TAS2R1: variants seen among roughly 807,000 people sequenced by gnomAD.
The protein encoded by TAS2R1 is taste receptor type 2 member 1.
For missense variants in TAS2R1, 370 were observed against 353.4 expected (o/e 1.05, Z -0.38); for synonymous variants, 141 against 134.2 (o/e 1.05, Z -0.35).
chr5:9,651,681 G>C (rs904891235), intron 2 of TAS2R1, among the ~76,000 whole-genome samples: 6 of 152,016 alleles, frequency 3.9e-5, no homozygotes, highest in South Asian at 2.1e-4. Flanking sequence ...AGTGAGTGCA[G>C]CTCCAGCTTT....
At chr5:9,759,496 T>G in the TAS2R1 span, among the ~76,000 whole-genome samples, 2 of 152,204 alleles carry the variant, frequency 1.3e-5, no homozygotes, top group Non-Finnish European at 2.9e-5. Flanking sequence ...AGAATTTGGG[T>G]GGAATCCAGG....
chr5:9,720,270 G>A, the TAS2R1 span, among the ~76,000 whole-genome samples: 5 of 152,202 alleles, frequency 3.3e-5, no homozygotes, highest in African/African-American at 1.2e-4. Flanking sequence ...TGGATCTGCG[G>A]GTTGTAGAAT....
chr5:9,818,324 G>A, the TAS2R1 span, among the ~76,000 whole-genome samples: 3 of 152,142 alleles, frequency 2.0e-5, no homozygotes, highest in African/African-American at 7.2e-5. Flanking sequence ...CAGAGATTTG[G>A]GCGACATTAT....
chr5:9,899,634 C>A, the TAS2R1 span, among the ~76,000 whole-genome samples: 3 of 69,120 alleles, frequency 4.3e-5, 1 homozygote, highest in Admixed American at 3.9e-4. Flanking sequence ...AAGACTCTGT[C>A]TAAAAAAAAA....
At chr5:9,713,529 A>C (rs62341162), upstream of TAS2R1, among the ~76,000 whole-genome samples, 21,128 of 152,192 alleles carry the variant, frequency 0.14, 1,547 homozygotes, top group Non-Finnish European at 0.16. Flanking sequence ...CACAGAGAGT[A>C]GGATTTATTT....
At chr5:9,703,479 G>A (rs577390218) in intron 1 of TAS2R1, among the ~76,000 whole-genome samples, 2 of 152,252 alleles carry the variant, frequency 1.3e-5, no homozygotes, top group South Asian at 2.1e-4. Flanking sequence ...GCACCCACTG[G>A]TGGAAGGAGC....
chr5:9,745,012 A>G, the TAS2R1 span, among the ~76,000 whole-genome samples: 1 of 152,210 alleles, frequency 6.6e-6, no homozygotes, highest in Non-Finnish European at 1.5e-5. Flanking sequence ...GACACAAAGC[A>G]GTTGACACAA....
the TAS2R1 span, among the ~76,000 whole-genome samples, chr5:9,834,745 T>C: frequency 8.3e-6 from 1 of 121,192 alleles, no homozygotes; most frequent in Non-Finnish European, 1.7e-5. Flanking sequence ...TAAATGTTAT[T>C]ACTGCATTAA....
the TAS2R1 span, among the ~76,000 whole-genome samples, chr5:9,806,264 G>T: frequency 1.3e-5 from 2 of 151,964 alleles, no homozygotes; most frequent in Admixed American, 6.6e-5. Flanking sequence ...AACACAAATG[G>T]GAACACATCC....
intron 2 of TAS2R1, among the ~76,000 whole-genome samples, chr5:9,640,675 T>A (rs1041589650): frequency 5.9e-5 from 9 of 152,108 alleles, no homozygotes; most frequent in African/African-American, 1.2e-4. Flanking sequence ...CTATTGCAAA[T>A]CTTGGTTAAC....
At position 9,684,670 on chromosome 5, in the gene TAS2R1, C is replaced by A. The variant is rs144131462; in HGVS notation, c.-241-25089G>T. Among the ~76,000 whole-genome samples, 650 of 152,198 alleles carry A rather than the reference C, an allele frequency of 4.3e-3. 3 individuals carry two copies. The highest frequency in any genetic ancestry group is 0.01 in the Middle Eastern group (3 of 294). On this transcript the variant is annotated intron_variant, in intron 1 of 2. Coordinates refer to the TAS2R1 transcript ENST00000506620. Reference sequence around the variant, plus strand: ...TCCTGGGTAGCTGGGACTCAGCACGCCACCACACCCAGCTAGTATATTTCA... The same window carrying A: ...TCCTGGGTAGCTGGGACTCAGCACGACACCACACCCAGCTAGTATATTTCA...
the TAS2R1 span, among the ~76,000 whole-genome samples, chr5:9,759,670 G>A: frequency 1.4e-4 from 21 of 152,134 alleles, no homozygotes; most frequent in African/African-American, 4.6e-4. Context: ...TCAAGTAAAG[G>A]TGATCTACAT....
chr5:9,730,983 T>C, the TAS2R1 span, among the ~76,000 whole-genome samples: 1 of 152,168 alleles, frequency 6.6e-6, no homozygotes, highest in African/African-American at 2.4e-5. Flanking sequence ...TTCTTTTTCT[T>C]TATAAATCAC....
rs1739800769 is a variant in TAS2R1 at position 9,628,551 on chromosome 5, T to G, written c.*582A>C. Among the ~76,000 whole-genome samples the G allele has an allele frequency of 1.3e-5, 2 of 152,166 alleles. No individual in the cohort carries two copies. Among genetic ancestry groups the G allele is most frequent in the Non-Finnish European group, 2.9e-5 (2 of 68,030 alleles). ...TATGCTTATAAGGATGGAGAAGGCCTGCTTGTCCTTGCTTCCTTTGTGATC... is the reference window on the plus strand; with the variant it reads ...TATGCTTATAAGGATGGAGAAGGCCGGCTTGTCCTTGCTTCCTTTGTGATC... On this transcript the variant is annotated 3_prime_UTR_variant, in exon 1 of 1. Transcript: ENST00000382492.
chr5:9,830,607 A>AC, the TAS2R1 span, among the ~76,000 whole-genome samples: 2 of 30,900 alleles, frequency 6.5e-5, no homozygotes. Context: ...GTGCGCGCGC[A>AC]CACACACACA....
the TAS2R1 span, among the ~76,000 whole-genome samples, chr5:9,735,698 A>G: frequency 6.6e-6 from 1 of 152,234 alleles, no homozygotes; most frequent in Non-Finnish European, 1.5e-5. Context: ...ACTGCTATTC[A>G]TAATAGTAAA....
At chr5:9,631,560 A>G (rs1301897871), upstream of TAS2R1, among the ~76,000 whole-genome samples, 1 of 152,182 alleles carries the variant, frequency 6.6e-6, no homozygotes, top group Non-Finnish European at 1.5e-5. Flanking sequence ...TCTTTAGACA[A>G]TTCATCACCA....
chr5:9,689,332 G>A (rs941209388), intron 1 of TAS2R1, among the ~76,000 whole-genome samples: 1 of 152,102 alleles, frequency 6.6e-6, no homozygotes, highest in African/African-American at 2.4e-5. Context: ...GGTGGTCCCC[G>A]GACCAGCAGT....
the TAS2R1 span, among the ~76,000 whole-genome samples, chr5:9,735,179 A>C: frequency 6.6e-6 from 1 of 151,518 alleles, no homozygotes; most frequent in Admixed American, 6.6e-5. Flanking sequence ...GGAAGGCGGA[A>C]GTCTGTCCCT....
Sources: allele counts gnomAD v4.1 joint callset (sites outside exome capture counted in the v4.1 genomes callset), GRCh38; gene constraint gnomAD v4.1.1; transcripts MANE v1.5; gene names NCBI Gene and HGNC (gene_info 2026-07-23, HGNC 2026-07-21).